ARL15: variants seen among roughly 807,000 people sequenced by gnomAD.
ARL15 encodes the protein ADP-ribosylation factor-like protein 15.
Under a neutral mutation model 25.2 loss-of-function variants are expected in ARL15, and 19 were observed. The observed-to-expected ratio is 0.75, with a 90% confidence interval of 0.53 to 1.10. ARL15 has a LOEUF of 1.10. Ranked by LOEUF, ARL15 falls within the 50% of genes least tolerant of loss-of-function variation. The pLI, the probability that ARL15 is intolerant of heterozygous loss-of-function variation, is 0.00. For synonymous variants in ARL15, 94 were observed against 86.8 expected, an observed-to-expected ratio of 1.08 and a Z score of -0.46; for missense variants, 220 against 246.0, an observed-to-expected ratio of 0.89 and a Z score of 0.71.
chr5:53,978,257 G>A (rs1248280362), intron 4 of ARL15, among the ~76,000 whole-genome samples: 1 of 152,092 alleles, frequency 6.6e-6, no homozygotes, highest in African/African-American at 2.4e-5. Context: ...TAATCACATG[G>A]TATTCACATA....
chr5:54,127,675 G>T (rs1318902523), intron 3 of ARL15, among the ~76,000 whole-genome samples: 1 of 151,810 alleles, frequency 6.6e-6, no homozygotes, highest in Non-Finnish European at 1.5e-5. Flanking sequence ...CTACTTTAAA[G>T]TTCATATGGA....
chr5:53,980,788 G>A (rs748851640), intron 4 of ARL15, among the ~76,000 whole-genome samples: 2 of 152,068 alleles, frequency 1.3e-5, no homozygotes, highest in Non-Finnish European at 2.9e-5. Context: ...CTCCAAATCA[G>A]AGCACCTCAC....
At chr5:54,301,332 A>C (rs141257537) in intron 1 of ARL15, among the ~76,000 whole-genome samples, 28 of 152,338 alleles carry the variant, frequency 1.8e-4, no homozygotes, top group African/African-American at 6.7e-4. Flanking sequence ...TAAAGCACAC[A>C]CAATGATACT....
chr5:54,127,102 T>C (rs968328850), intron 3 of ARL15, among the ~76,000 whole-genome samples: 6 of 152,344 alleles, frequency 3.9e-5, no homozygotes, highest in Non-Finnish European at 7.3e-5. Context: ...TATGCGGGTT[T>C]TTGTTCTTGC....
chr5:54,251,127 T>A (rs930077554), intron 1 of ARL15, among the ~76,000 whole-genome samples: 2 of 123,090 alleles, frequency 1.6e-5, no homozygotes, highest in African/African-American at 5.1e-5. Context: ...AGTGATTCAC[T>A]TGAAAGCCCC....
At chr5:54,095,348 A>T (rs1752253616) in intron 4 of ARL15, among the ~76,000 whole-genome samples, 1 of 152,212 alleles carries the variant, frequency 6.6e-6, no homozygotes, top group Non-Finnish European at 1.5e-5. Context: ...AACAATTACC[A>T]GAATATGACA....
At chr5:54,072,616 C>T (rs1751462217) in intron 4 of ARL15, among the ~76,000 whole-genome samples, 1 of 152,230 alleles carries the variant, frequency 6.6e-6, no homozygotes, top group Middle Eastern at 3.4e-3. Flanking sequence ...GAAAAAAATG[C>T]CTTTCTTAAA....
At chr5:54,081,511 A>C (rs1478260976) in intron 4 of ARL15, among the ~76,000 whole-genome samples, 2 of 152,054 alleles carry the variant, frequency 1.3e-5, no homozygotes, top group Non-Finnish European at 2.9e-5. Context: ...TAATCCCCAC[A>C]TGTCAAGGGA....
intron 4 of ARL15, among the ~76,000 whole-genome samples, chr5:54,047,454 G>T (rs1441456594): frequency 6.6e-6 from 1 of 152,160 alleles, no homozygotes; most frequent in African/African-American, 2.4e-5. Context: ...AGGCAGAGAA[G>T]AAAGTAATTA....
At chr5:53,956,866 A>G (rs1747175935) in intron 4 of ARL15, among the ~76,000 whole-genome samples, 1 of 152,118 alleles carries the variant, frequency 6.6e-6, no homozygotes, top group Admixed American at 6.5e-5. Flanking sequence ...AAAAATAACC[A>G]GTGAACATGA....
At chr5:54,161,807 T>C (rs1754407911) in intron 2 of ARL15, among the ~76,000 whole-genome samples, 1 of 152,168 alleles carries the variant, frequency 6.6e-6, no homozygotes, top group Non-Finnish European at 1.5e-5. Context: ...CCTTGATCCT[T>C]CCCTTGTGAA....
In ARL15 at chr5:54,085,251, TCTTTGG is replaced by T. The variant is rs1225146956; in HGVS notation, c.462+27945_462+27950del. On this transcript the variant is annotated intron_variant, in intron 4 of 4. Coordinates refer to ENST00000504924, the MANE Select transcript of ARL15 (RefSeq NM_019087.3). ...TGAATCAAAAGATACTACAGAACAATCTTTGGCTTTACTTGACAGTATTTAACAGGT... is the reference window on the plus strand; with the variant it reads ...TGAATCAAAAGATACTACAGAACAATCTTTACTTGACAGTATTTAACAGGT... Among the ~76,000 whole-genome samples, 3 of 152,306 alleles carry T rather than the reference TCTTTGG, an allele frequency of 2.0e-5. No individual in the cohort carries two copies. In the East Asian group the frequency reaches 5.8e-4, roughly 29 times the overall value.
intron 4 of ARL15, among the ~76,000 whole-genome samples, chr5:54,054,221 T>C (rs1257589978): frequency 6.6e-6 from 1 of 152,214 alleles, no homozygotes; most frequent in African/African-American, 2.4e-5. Context: ...ATATCTTTCC[T>C]CGTTTTAGCA....
At chr5:54,046,928 G>C (rs150159803) in intron 4 of ARL15, among the ~76,000 whole-genome samples, 1 of 152,134 alleles carries the variant, frequency 6.6e-6, no homozygotes, top group Non-Finnish European at 1.5e-5. Context: ...GTGCTCAGGA[G>C]TCTCAACATT....
At chr5:53,891,827 G>A (rs1234633767) in intron 4 of ARL15, among the ~76,000 whole-genome samples, 2 of 152,168 alleles carry the variant, frequency 1.3e-5, no homozygotes, top group South Asian at 2.1e-4. Context: ...TCACTCAGCC[G>A]CTCTGTCCTG....
chr5:54,010,042 G>C (rs1386700677), intron 4 of ARL15, among the ~76,000 whole-genome samples: 1 of 152,114 alleles, frequency 6.6e-6, no homozygotes, highest in Non-Finnish European at 1.5e-5. Flanking sequence ...AGGCCACAAA[G>C]AAAGGGAGAA....
At chr5:54,273,352 A>C (rs1260724459) in intron 1 of ARL15, among the ~76,000 whole-genome samples, 3 of 152,218 alleles carry the variant, frequency 2.0e-5, no homozygotes. Flanking sequence ...ACTGAGAAGG[A>C]TACAGTGTCA....
chr5:54,001,177 G>T (rs1284955161), intron 4 of ARL15, among the ~76,000 whole-genome samples: 1 of 152,130 alleles, frequency 6.6e-6, no homozygotes, highest in African/African-American at 2.4e-5. Flanking sequence ...CCCCAGAAAT[G>T]GGTTGTGTGT....
intron 4 of ARL15, among the ~76,000 whole-genome samples, chr5:54,037,329 T>G (rs1750197609): frequency 6.6e-6 from 1 of 152,102 alleles, no homozygotes; most frequent in Admixed American, 6.6e-5. Flanking sequence ...ATTTTTCTAT[T>G]TGGAATACAT....
Sources: gnomAD v4.1 joint callset for allele counts (sites outside exome capture counted in the v4.1 genomes callset) on GRCh38, gnomAD v4.1.1 for gene constraint, MANE v1.5 for transcripts, NCBI Gene and HGNC (gene_info 2026-07-23, HGNC 2026-07-21) for gene names.